Variants in ARHGAP15 observed in about 807,000 individuals in gnomAD.
ARHGAP15 encodes the protein rho GTPase-activating protein 15.
In ARHGAP15, 51 loss-of-function variants were observed where a neutral mutation model predicts 63.7. That is an observed-to-expected ratio of 0.80 (90% CI 0.64 to 1.01). The LOEUF (loss-of-function observed/expected upper bound fraction) is 1.01. Among genes scored for constraint, ARHGAP15 ranks in the 50% least tolerant of loss-of-function variants. The pLI is 0.00. For synonymous variants in ARHGAP15, 191 were observed against 193.8 expected (o/e 0.99, Z 0.12); for missense variants, 560 against 564.6 (o/e 0.99, Z 0.08).
intron 9 of ARHGAP15, among the ~76,000 whole-genome samples, chr2:143,515,321 T>A (rs1436303498): frequency 6.6e-6 from 1 of 152,118 alleles, no homozygotes; most frequent in Non-Finnish European, 1.5e-5. Flanking sequence ...TGGCTGCAGA[T>A]AATAGAATAC....
At chr2:143,151,193 G>A (rs1298771128) in intron 1 of ARHGAP15, among the ~76,000 whole-genome samples, 3 of 152,070 alleles carry the variant, frequency 2.0e-5, no homozygotes, top group African/African-American at 7.2e-5. Context: ...TGGACTCTGG[G>A]GTATGAGGGT....
chr2:143,443,841 C>T (rs1690010411), intron 8 of ARHGAP15, among the ~76,000 whole-genome samples: 1 of 152,128 alleles, frequency 6.6e-6, no homozygotes, highest in South Asian at 2.1e-4. Context: ...ATTGTTCTGA[C>T]ATATGTTCCC....
intron 6 of ARHGAP15, among the ~76,000 whole-genome samples, chr2:143,283,998 A>G (rs1164860010): frequency 1.3e-5 from 2 of 152,232 alleles, no homozygotes; most frequent in East Asian, 3.9e-4. Flanking sequence ...TCTTCACTGG[A>G]CATTTCTACT....
intron 6 of ARHGAP15, among the ~76,000 whole-genome samples, chr2:143,332,051 G>A (rs1288816266): frequency 6.6e-6 from 1 of 152,204 alleles, no homozygotes; most frequent in East Asian, 1.9e-4. Context: ...TAATAATGCA[G>A]ATGTTTGAGT....
chr2:143,612,051 T>C (rs1396525973), intron 11 of ARHGAP15, among the ~76,000 whole-genome samples: 1 of 152,220 alleles, frequency 6.6e-6, no homozygotes, highest in Non-Finnish European at 1.5e-5. Flanking sequence ...CAGATTTATC[T>C]TCGTGAAATA....
chr2:143,527,649 A>G (rs1411667594), intron 10 of ARHGAP15, among the ~76,000 whole-genome samples: 1 of 152,084 alleles, frequency 6.6e-6, no homozygotes, highest in African/African-American at 2.4e-5. Flanking sequence ...ATAATGTCCT[A>G]TATCTAGGGT....
intron 6 of ARHGAP15, among the ~76,000 whole-genome samples, chr2:143,374,440 G>C (rs1686714494): frequency 6.6e-6 from 1 of 151,938 alleles, no homozygotes; most frequent in Non-Finnish European, 1.5e-5. Context: ...GACAATAAGA[G>C]TAATTTTTAC....
chr2:143,484,288 C>G (rs1395167668), intron 8 of ARHGAP15, among the ~76,000 whole-genome samples: 2 of 151,470 alleles, frequency 1.3e-5, no homozygotes, highest in African/African-American at 2.4e-5. Flanking sequence ...ATTGCTTGAA[C>G]CCAGGTGGCA....
chr2:143,728,853 C>CT (rs1307839107), intron 13 of ARHGAP15, among the ~76,000 whole-genome samples: 1 of 152,208 alleles, frequency 6.6e-6, no homozygotes, highest in Non-Finnish European at 1.5e-5. Context: ...AAACATTGCA[C>CT]TTACACCACA....
At chr2:143,438,836 AG>A (rs914510845) in intron 8 of ARHGAP15, among the ~76,000 whole-genome samples, 1 of 152,220 alleles carries the variant, frequency 6.6e-6, no homozygotes, top group Admixed American at 6.5e-5. Context: ...TACATATAAA[AG>A]AATATGTGAT....
At chr2:143,330,498 C>T (rs1482671590) in intron 6 of ARHGAP15, among the ~76,000 whole-genome samples, 1 of 152,092 alleles carries the variant, frequency 6.6e-6, no homozygotes, top group Non-Finnish European at 1.5e-5. Context: ...ATTCCTAAGT[C>T]CCTGTCACTT....
chr2:143,149,930 C>T (rs539237588), intron 1 of ARHGAP15, among the ~76,000 whole-genome samples: 3 of 152,060 alleles, frequency 2.0e-5, no homozygotes, highest in Admixed American at 6.6e-5. Flanking sequence ...ACATACCTAA[C>T]GTGGCTACAC....
intron 1 of ARHGAP15, among the ~76,000 whole-genome samples, chr2:143,153,041 C>G (rs997445281): frequency 6.6e-6 from 1 of 151,950 alleles, no homozygotes; most frequent in Non-Finnish European, 1.5e-5. Context: ...AGCCTTTTGA[C>G]AGTAGCATAT....
intron 11 of ARHGAP15, among the ~76,000 whole-genome samples, chr2:143,564,384 AC>A (rs1696142446): frequency 6.6e-6 from 1 of 152,196 alleles, no homozygotes. Flanking sequence ...TTAGAACCTG[AC>A]TGCCATAAGA....
intron 11 of ARHGAP15, among the ~76,000 whole-genome samples, chr2:143,599,294 G>A (rs1463777937): frequency 6.6e-6 from 1 of 152,116 alleles, no homozygotes; most frequent in African/African-American, 2.4e-5. Flanking sequence ...TGTTGTTGCT[G>A]TCCATAGATG....
intron 2 of ARHGAP15, among the ~76,000 whole-genome samples, chr2:143,176,239 T>C (rs766398254): frequency 3.3e-5 from 5 of 152,170 alleles, no homozygotes; most frequent in Admixed American, 6.5e-5. Flanking sequence ...AAATGAGCAA[T>C]TATATAAGAA....
At chr2:143,204,142 T>G (rs1224816757) in intron 3 of ARHGAP15, among the ~76,000 whole-genome samples, 1 of 152,112 alleles carries the variant, frequency 6.6e-6, no homozygotes, top group East Asian at 1.9e-4. Flanking sequence ...TCAGTTCATT[T>G]CTCACCACCA....
intron 3 of ARHGAP15, among the ~76,000 whole-genome samples, chr2:143,206,537 A>T (rs1276419700): frequency 1.3e-5 from 2 of 152,108 alleles, no homozygotes; most frequent in Non-Finnish European, 2.9e-5. Flanking sequence ...TTTGAATTAG[A>T]TAGCCCTTCT....
chr2:143,446,356 A>G (rs1022989237), intron 8 of ARHGAP15, among the ~76,000 whole-genome samples: 1 of 151,952 alleles, frequency 6.6e-6, no homozygotes, highest in African/African-American at 2.4e-5. Context: ...TAAATCTACC[A>G]ATTTAGAAAT....
Sources: allele counts gnomAD v4.1 joint callset (sites outside exome capture counted in the v4.1 genomes callset), GRCh38; gene constraint gnomAD v4.1.1; transcripts MANE v1.5; gene names NCBI Gene and HGNC (gene_info 2026-07-23, HGNC 2026-07-21).